The following FRK variants were observed in gnomAD, a reference collection of about 807,000 sequenced individuals.
The protein encoded by FRK is fyn related Src family tyrosine kinase.
FRK carries 51 observed loss-of-function variants against 56.4 expected under a neutral mutation model. The observed-to-expected ratio is 0.90, with a 90% CI of 0.72 to 1.14. FRK has a LOEUF of 1.14. Ranked by LOEUF, FRK falls within the 50% of genes most tolerant of loss-of-function variation. The probability of loss-of-function intolerance (pLI) is 0.00; values close to 1 mark genes in which losing one functional copy is unlikely to be tolerated. For synonymous variants in FRK, 245 were observed against 217.9 expected (o/e 1.12, Z -1.10); for missense variants, 570 against 601.4 (o/e 0.95, Z 0.55).
At chr6:116,017,432 T>C (rs1775697963) in intron 1 of FRK, among the ~76,000 whole-genome samples, 1 of 152,214 alleles carries the variant, frequency 6.6e-6, no homozygotes. Context: ...TCAATTTTTC[T>C]ACATCGCTTT....
intron 1 of FRK, among the ~76,000 whole-genome samples, chr6:116,047,983 C>T (rs1174243266): frequency 6.6e-6 from 1 of 152,240 alleles, no homozygotes; most frequent in Non-Finnish European, 1.5e-5. Context: ...GTTACTACAA[C>T]TTACACACCA....
chr6:116,004,200 A>G (rs1371503571), intron 1 of FRK, among the ~76,000 whole-genome samples: 1 of 151,952 alleles, frequency 6.6e-6, no homozygotes, highest in African/African-American at 2.4e-5. Flanking sequence ...ATTTTTTTTT[A>G]CCTACAAAGC....
intron 2 of FRK, among the ~76,000 whole-genome samples, chr6:115,987,039 T>G (rs1393978083): frequency 6.6e-6 from 1 of 152,102 alleles, no homozygotes; most frequent in Non-Finnish European, 1.5e-5. Flanking sequence ...CAGGCAATTA[T>G]AATAGCATCT....
intron 5 of FRK, among the ~76,000 whole-genome samples, chr6:115,947,927 G>A (rs1384387882): frequency 1.3e-5 from 2 of 152,172 alleles, no homozygotes; most frequent in African/African-American, 4.8e-5. Flanking sequence ...CGTGAGCTAT[G>A]TGGTATCTTC....
chr6:116,093,500 T>TGCG, the FRK span, among the ~76,000 whole-genome samples: 14 of 143,426 alleles, frequency 9.8e-5, no homozygotes, highest in Admixed American at 2.1e-4. Flanking sequence ...ATGAAAAGAA[T>TGCG]GCTTTAGCTG....
intron 1 of FRK, among the ~76,000 whole-genome samples, chr6:116,048,630 C>T (rs1777068214): frequency 6.6e-6 from 1 of 152,140 alleles, no homozygotes; most frequent in Admixed American, 6.6e-5. Context: ...AAGTGATCTT[C>T]CCACCTCAAC....
the FRK span, among the ~76,000 whole-genome samples, chr6:116,074,961 A>T: frequency 1.3e-5 from 2 of 152,156 alleles, no homozygotes; most frequent in Admixed American, 6.6e-5. Context: ...AGCAATATAT[A>T]CTGCTCTGGG....
chr6:116,046,434 T>C (rs1324785344), intron 1 of FRK, among the ~76,000 whole-genome samples: 2 of 152,192 alleles, frequency 1.3e-5, no homozygotes, highest in African/African-American at 4.8e-5. Context: ...ATATACACCA[T>C]GGAATACTAT....
intron 1 of FRK, among the ~76,000 whole-genome samples, chr6:116,052,276 A>G (rs1195811716): frequency 3.9e-5 from 6 of 152,200 alleles, no homozygotes; most frequent in Non-Finnish European, 8.8e-5. Context: ...ATATTAAGGC[A>G]TGAGCAATTT....
At chr6:115,944,757 T>C (rs1772357083) in intron 5 of FRK, among the ~76,000 whole-genome samples, 1 of 152,072 alleles carries the variant, frequency 6.6e-6, no homozygotes, top group South Asian at 2.1e-4. Context: ...AGGGGTACAT[T>C]TCCAGGTTTG....
chr6:116,098,894 G>C, the FRK span, among the ~76,000 whole-genome samples: 6 of 152,178 alleles, frequency 3.9e-5, no homozygotes, highest in African/African-American at 1.4e-4. Flanking sequence ...TGAGGTTTGA[G>C]GTACAAAGGA....
At chr6:115,980,962 T>TTTATGTTTAGCTATATTTTATA (rs1444114475) in intron 2 of FRK, among the ~76,000 whole-genome samples, 8 of 152,138 alleles carry the variant, frequency 5.3e-5, no homozygotes, top group Non-Finnish European at 1.0e-4. Flanking sequence ...TTTTGTCTTT[T>TTTATGTTTAGCTATATTTTATA]TTATGTTTAG....
At chr6:115,950,782 A>G (rs1772712441) in intron 5 of FRK, among the ~76,000 whole-genome samples, 1 of 152,266 alleles carries the variant, frequency 6.6e-6, no homozygotes, top group Non-Finnish European at 1.5e-5. Flanking sequence ...ATGCCCATCA[A>G]TGTTGGACTG....
rs553155313 is a variant in FRK, at chr6:115,940,464, C to T, written c.*1950G>A. ...ACACAAAAACCAATGGCAACAAAAG[C>T]CCAAATTGAGAAATGGGATCTAATT... On this transcript the variant is annotated 3_prime_UTR_variant, in exon 8 of 8. Transcript: ENST00000606080. The T allele has an allele frequency of 1.3e-5, 2 of 152,160 alleles. No homozygotes were observed. Among genetic ancestry groups the T allele is most frequent in the South Asian group, 2.1e-4 (1 of 4,820 alleles). The allele number at this position is 152,160 out of a possible 1,614,324, so 9.4% of individuals were successfully genotyped here. A position where few individuals can be genotyped will look rare whatever the true frequency, so the allele number is the denominator to read the frequency against.
intron 4 of FRK, among the ~76,000 whole-genome samples, chr6:115,958,310 G>T (rs1402224833): frequency 6.6e-6 from 1 of 150,910 alleles, no homozygotes; most frequent in Non-Finnish European, 1.5e-5. Context: ...AGCTTCCAAT[G>T]ATAGCAGTAA....
intron 5 of FRK, among the ~76,000 whole-genome samples, chr6:115,953,180 ATTT>A (rs1554224845): frequency 0.028 from 2,930 of 103,722 alleles, 549 homozygotes; most frequent in Admixed American, 0.13. Context: ...TTTTAAGGCC[ATTT>A]TTTTTTTTTT....
At chr6:116,088,535 A>G in the FRK span, among the ~76,000 whole-genome samples, 2 of 152,240 alleles carry the variant, frequency 1.3e-5, no homozygotes, top group African/African-American at 2.4e-5. Context: ...TTGCATATGT[A>G]CACACATATA....
chr6:116,052,861 T>A (rs1039116263), intron 1 of FRK, among the ~76,000 whole-genome samples: 1 of 152,172 alleles, frequency 6.6e-6, no homozygotes, highest in African/African-American at 2.4e-5. Flanking sequence ...GTGTAAAGTA[T>A]GATCCATTTA....
intron 1 of FRK, among the ~76,000 whole-genome samples, chr6:116,025,073 A>G (rs1327901000): frequency 6.6e-6 from 1 of 152,140 alleles, no homozygotes; most frequent in Non-Finnish European, 1.5e-5. Flanking sequence ...TACCTTTTTA[A>G]AAAAGGTCTT....
Sources: allele counts gnomAD v4.1 joint callset (sites outside exome capture counted in the v4.1 genomes callset), GRCh38; gene constraint gnomAD v4.1.1; transcripts MANE v1.5; gene names NCBI Gene and HGNC (gene_info 2026-07-23, HGNC 2026-07-21).